Variants in FBP1 observed in about 807,000 individuals in gnomAD.
FBP1 encodes fructose-1,6-bisphosphatase 1.
In FBP1, 22 loss-of-function variants were observed where a neutral mutation model predicts 29.9. The ratio of observed to expected loss-of-function variants is 0.74; its 90% CI spans 0.53 to 1.05. FBP1 has a LOEUF of 1.05. Among genes scored for constraint, FBP1 ranks in the 50% least tolerant of loss-of-function variants. The pLI, the probability that FBP1 is intolerant of heterozygous loss-of-function variation, is 0.00. For synonymous variants in FBP1, 175 were observed against 178.6 expected (o/e 0.98, Z 0.16); for missense variants, 345 against 448.2 (o/e 0.77, Z 2.08).
At chr9:94,607,165 A>C (rs1468820682) in intron 4 of FBP1, among the ~76,000 whole-genome samples, 1 of 152,230 alleles carries the variant, frequency 6.6e-6, no homozygotes, top group Non-Finnish European at 1.5e-5. Flanking sequence ...CATCAGGGTG[A>C]TAACAGACAC....
chr9:94,628,703 T>C (rs570151244), intron 1 of FBP1, among the ~76,000 whole-genome samples: 159 of 152,320 alleles, frequency 1.0e-3, no homozygotes, highest in African/African-American at 3.6e-3. Context: ...TCCAGGCATG[T>C]GTGAATCAAT....
Position 94,638,376 on chromosome 9 carries a change from G to A in FBP1, c.170+765C>T, listed in dbSNP as rs28382866. Reference sequence around the variant, plus strand: ...CCAAATGATTCCTGTGCCCAGTGACGTTCGAGATGCACTCCATAGCGCATT... The same window carrying A: ...CCAAATGATTCCTGTGCCCAGTGACATTCGAGATGCACTCCATAGCGCATT... On this transcript the variant is annotated intron_variant, in intron 1 of 6. Coordinates refer to ENST00000375326, the MANE Select transcript of FBP1 (RefSeq NM_000507.4). 4.1e-3 allele frequency among the ~76,000 whole-genome samples: 622 copies of A among 152,292 alleles called. 7 individuals carry two copies. The highest frequency in any genetic ancestry group is 0.014 in the African/African-American group (598 of 41,550).
At chr9:94,633,616 G>T (rs966765136) in intron 1 of FBP1, among the ~76,000 whole-genome samples, 1 of 152,092 alleles carries the variant, frequency 6.6e-6, no homozygotes, top group African/African-American at 2.4e-5. Flanking sequence ...CGGTCCAGCC[G>T]CCGGGCCTTT....
Position 94,627,304 on chromosome 9 carries a change from G to A in FBP1, c.171-6813C>T, listed in dbSNP as rs533123930. 1.4e-4 allele frequency among the ~76,000 whole-genome samples: 21 copies of A among 151,778 alleles called. No individual in the cohort carries two copies. In the South Asian group the frequency reaches 2.7e-3, roughly 20 times the overall value. On this transcript the variant is annotated intron_variant, in intron 1 of 6. Transcript: ENST00000375326. ...CGGGAGGCGGAGGTTGCAGTGAGCC[G>A]AGATCACACCACTGCACTCCAGCCT...
chr9:94,630,345 C>T (rs996809053), intron 1 of FBP1, among the ~76,000 whole-genome samples: 3 of 152,202 alleles, frequency 2.0e-5, no homozygotes, highest in African/African-American at 2.4e-5. Flanking sequence ...GAAAAAAACC[C>T]TCCAGATTAG....
At chr9:94,626,596 C>T (rs997468130) in intron 1 of FBP1, among the ~76,000 whole-genome samples, 10 of 152,136 alleles carry the variant, frequency 6.6e-5, no homozygotes, top group African/African-American at 2.2e-4. Context: ...TGAGATTTCC[C>T]CGAGTAACAC....
chr9:94,622,403 C>T (rs529174562), intron 1 of FBP1, among the ~76,000 whole-genome samples: 3 of 152,244 alleles, frequency 2.0e-5, no homozygotes, highest in Non-Finnish European at 4.4e-5. Context: ...TGGCGATGTG[C>T]GCTCGCCTGG....
At chr9:94,615,300 G>A (rs1827847098) in intron 3 of FBP1, among the ~76,000 whole-genome samples, 1 of 152,138 alleles carries the variant, frequency 6.6e-6, no homozygotes, top group Non-Finnish European at 1.5e-5. Flanking sequence ...AATTCAAGCT[G>A]CTGTTGCAAG....
At chr9:94,632,705 A>G (rs1828122199) in intron 1 of FBP1, among the ~76,000 whole-genome samples, 2 of 152,196 alleles carry the variant, frequency 1.3e-5, no homozygotes, top group African/African-American at 4.8e-5. Context: ...CAGGAAAACA[A>G]TGATATTAAT....
chr9:94,609,944 C>A lies in FBP1; in HGVS notation c.544G>T (p.Val182Phe). The A allele has an allele frequency of 6.2e-7, 1 of 1,614,196 alleles. No homozygotes were observed. ...TMLVLAMDCG[V>F]NCFMLDPAIG... ...ACCGGGTCCAGCATGAAGCAGTTGA[C>A]CCCACAGTCCATGGCAAGGACCAGC... Residue 182 changes from valine to phenylalanine, a missense_variant, in exon 4 of 7, where the codon GTC becomes TTC. Coordinates refer to ENST00000375326, the MANE Select transcript of FBP1 (RefSeq NM_000507.4).
chr9:94,610,857 G>A (rs1481403630), intron 3 of FBP1, among the ~76,000 whole-genome samples: 2 of 139,974 alleles, frequency 1.4e-5, no homozygotes, highest in Non-Finnish European at 3.0e-5. Context: ...TACTATTAAT[G>A]ATTTTCTTCT....
At chr9:94,613,311 G>A (rs1827812442) in intron 3 of FBP1, among the ~76,000 whole-genome samples, 1 of 152,096 alleles carries the variant, frequency 6.6e-6, no homozygotes, top group Admixed American at 6.5e-5. Flanking sequence ...TTATTGGGAG[G>A]GCAGAAACAC....
intron 1 of FBP1, among the ~76,000 whole-genome samples, chr9:94,623,094 C>T (rs898147323): frequency 2.0e-5 from 3 of 152,114 alleles, no homozygotes; most frequent in African/African-American, 4.8e-5. Context: ...AAGCGATTCT[C>T]GTGCCTCACC....
Position 94,639,288 on chromosome 9 carries a change from T to A in FBP1, c.23A>T (p.Asp8Val). The A allele has an allele frequency of 6.2e-7, 1 of 1,607,778 alleles. No homozygotes were observed. Among genetic ancestry groups the A allele is most frequent in the Non-Finnish European group, 8.5e-7 (1 of 1,177,334 alleles). ...GCGGGTCAGGGTGTTGACGTCCGTG[T>A]CGAAGGGCGCCTGGTCAGCCATGCT... Reference protein sequence around the residue: MADQAPFDTDVNTLTRFV... With the variant: MADQAPFVTDVNTLTRFV... Residue 8 changes from aspartate (D) to valine (V), a missense_variant, in exon 1 of 7, where the codon GAC becomes GTC. Physicochemically the swap from Asp to Val is radical, Grantham distance 152. Transcript: ENST00000375326.
At chr9:94,617,357 G>C (rs774212666) in intron 3 of FBP1, among the ~76,000 whole-genome samples, 1 of 152,134 alleles carries the variant, frequency 6.6e-6, no homozygotes, top group Non-Finnish European at 1.5e-5. Flanking sequence ...GACTCAGCCC[G>C]GGGCTCATAG....
At chr9:94,630,864 G>A (rs1828095275) in intron 1 of FBP1, among the ~76,000 whole-genome samples, 1 of 152,088 alleles carries the variant, frequency 6.6e-6, no homozygotes, top group East Asian at 1.9e-4. Flanking sequence ...TAATGCGCGC[G>A]GTGCACCTGG....
intron 1 of FBP1, among the ~76,000 whole-genome samples, chr9:94,630,809 A>G (rs921191415): frequency 7.9e-5 from 12 of 151,046 alleles, no homozygotes; most frequent in African/African-American, 2.9e-4. Context: ...AGTTGTGCAA[A>G]GCCCCTGAGT....
intron 3 of FBP1, among the ~76,000 whole-genome samples, chr9:94,613,910 T>C (rs1827823703): frequency 6.7e-6 from 1 of 150,350 alleles, no homozygotes; most frequent in South Asian, 2.1e-4. Flanking sequence ...AAACCCCGTC[T>C]CTACTAAAAA....
chr9:94,603,236 A>G lies in FBP1; in HGVS notation c.*145T>C. The G allele has an allele frequency of 1.3e-6, 1 of 741,374 alleles. No individual in the cohort carries two copies. Among genetic ancestry groups the G allele is most frequent in the South Asian group, 1.5e-5 (1 of 65,716 alleles). 45.9% of individuals were successfully genotyped at this position (741,374 alleles called of 1,614,324 possible). A position where few individuals can be genotyped will look rare whatever the true frequency, so the allele number is the denominator to read the frequency against. On this transcript the variant is annotated 3_prime_UTR_variant, in exon 7 of 7. Transcript: ENST00000375326. Reference sequence around the variant, plus strand: ...AGCATTTGGTTAGGGAGTGCCAAGCATTCTACAGCATTTGATGGTGGAAAT... The same window carrying G: ...AGCATTTGGTTAGGGAGTGCCAAGCGTTCTACAGCATTTGATGGTGGAAAT...
Sources: allele counts gnomAD v4.1 joint callset (sites outside exome capture counted in the v4.1 genomes callset), GRCh38; gene constraint gnomAD v4.1.1; transcripts MANE v1.5; gene names NCBI Gene and HGNC (gene_info 2026-07-23, HGNC 2026-07-21).